The following ABCA13 variants were observed in gnomAD, a reference collection of about 807,000 sequenced individuals.
ABCA13 encodes ATP binding cassette subfamily A member 13.
ABCA13 carries 476 observed loss-of-function variants against 478.7 expected under a neutral mutation model. The observed-to-expected ratio is 0.99, with a 90% CI of 0.92 to 1.07. The LOEUF is 1.07. ABCA13 is among the 50% of genes least tolerant of loss of function. The probability of loss-of-function intolerance (pLI) is 0.00; values close to 1 mark genes in which losing one functional copy is unlikely to be tolerated. For synonymous variants in ABCA13, 2,252 were observed against 2,158.9 expected (o/e 1.04, Z -1.20); for missense variants, 6,060 against 5,910.6 (o/e 1.03, Z -0.83).
chr7:48,338,238 C>A, intron 28 of ABCA13, 127 bp from the exon 29 acceptor site: 2 of 588,200 alleles, frequency 3.4e-6, no homozygotes, highest in Non-Finnish European at 2.7e-6. Flanking sequence ...TTTAAAACTT[C>A]TTTTAAGTGG....
intron 54 of ABCA13, among the ~76,000 whole-genome samples, chr7:48,526,122 T>C (rs966225203): frequency 5.3e-5 from 8 of 152,040 alleles, no homozygotes; most frequent in Non-Finnish European, 8.8e-5. Context: ...CTGAAAAATA[T>C]GTAAAAGGGG....
intron 55 of ABCA13, among the ~76,000 whole-genome samples, chr7:48,565,966 G>A (rs565213839): frequency 6.6e-6 from 1 of 152,236 alleles, no homozygotes; most frequent in East Asian, 1.9e-4. Context: ...TGGTAAACTG[G>A]GGGTTAACCT....
At position 48,171,541 on chromosome 7, in the gene ABCA13, C is replaced by T. The variant is rs934301354; in HGVS notation, c.58C>T (p.Leu20Phe). Residue 20 changes from leucine to phenylalanine, a missense_variant, in exon 1 of 62, where the codon CTC becomes TTC. This residue lies in a region of ABCA13 where 4,423 missense variants were observed against 4,309.1 expected (regional missense o/e 1.03). Transcript: ENST00000435803. The stretch of plus-strand genomic sequence containing the variant: ...GCTGTGGAAGAATTGGCTCTGCAGA[C>T]TCAGGAACCCGGTGAGTGCTTGCCT... Reference protein sequence around the residue: ...ALLWKNWLCRLRNPVLFLAEF... With the variant: ...ALLWKNWLCRFRNPVLFLAEF... 21 of 1,536,300 alleles carry T rather than the reference C, an allele frequency of 1.4e-5. No individual in the cohort carries two copies. Among genetic ancestry groups the T allele is most frequent in the Non-Finnish European group, 1.8e-5 (21 of 1,146,906 alleles).
At chr7:48,442,762 C>T (rs368791094) in intron 42 of ABCA13, among the ~76,000 whole-genome samples, 29 of 152,158 alleles carry the variant, frequency 1.9e-4, no homozygotes, top group Non-Finnish European at 4.0e-4. Flanking sequence ...GCATTTCTAA[C>T]GAGTTCTCAG....
chr7:48,456,269 C>CATA (rs1825662434), intron 43 of ABCA13, among the ~76,000 whole-genome samples: 1 of 152,134 alleles, frequency 6.6e-6, no homozygotes, highest in Non-Finnish European at 1.5e-5. Context: ...TCTCTAAGAG[C>CATA]CTACTAATAT....
chr7:48,185,499 G>A (rs145241260), intron 1 of ABCA13, among the ~76,000 whole-genome samples: 33 of 152,274 alleles, frequency 2.2e-4, no homozygotes, highest in African/African-American at 7.7e-4. Context: ...CATTAGAATT[G>A]CATTGAGCCT....
At chr7:48,205,285 C>T (rs960171950) in intron 3 of ABCA13, among the ~76,000 whole-genome samples, 1 of 152,008 alleles carries the variant, frequency 6.6e-6, no homozygotes. Context: ...CTGGGTTTTA[C>T]GTCTATGTAT....
intron 41 of ABCA13, among the ~76,000 whole-genome samples, chr7:48,416,518 C>T (rs1820012726): frequency 6.6e-6 from 1 of 152,098 alleles, no homozygotes; most frequent in African/African-American, 2.4e-5. Context: ...GGTTGGGAAT[C>T]ATGGAAGGAA....
chr7:48,587,360 G>T (rs906694644), intron 57 of ABCA13, 72 bp downstream of exon 57: 4 of 1,441,662 alleles, frequency 2.8e-6, no homozygotes, highest in Non-Finnish European at 1.8e-6. Flanking sequence ...GATTTTAAGG[G>T]TTTTTCTGGG....
chr7:48,540,691 G>T (rs1033985052), intron 55 of ABCA13, among the ~76,000 whole-genome samples: 1 of 151,922 alleles, frequency 6.6e-6, no homozygotes, highest in Admixed American at 6.6e-5. Context: ...CTAAAACAGG[G>T]CTCTTTTACT....
chr7:48,638,140 A>T (rs1794832767), intron 59 of ABCA13, among the ~76,000 whole-genome samples: 1 of 152,180 alleles, frequency 6.6e-6, no homozygotes, highest in South Asian at 2.1e-4. Flanking sequence ...GTCAGAGAGG[A>T]AGGCACTCGT....
rs767472422 is a variant in ABCA13, at chr7:48,357,192, A to G, written c.10688+4705A>G. On this transcript the variant is annotated intron_variant, in intron 31 of 61. Transcript: ENST00000435803. ...GCTTAAAAAAAAATCAGCTTGATCC[A>G]CAACAGACCAGTGAGAGGACCTCTC... 2.4e-4 allele frequency among the ~76,000 whole-genome samples: 37 copies of G among 151,948 alleles called. 1 individual carries two copies. Among genetic ancestry groups the G allele is most frequent in the African/African-American group, 8.5e-4 (35 of 41,210 alleles).
At chr7:48,286,491 CCTT>C in intron 19 of ABCA13, among the ~76,000 whole-genome samples, 1 of 23,672 alleles carries the variant, frequency 4.2e-5, no homozygotes, top group African/African-American at 3.5e-4. Flanking sequence ...TTTTTCCCTT[CCTT>C]CCTTCCTTCC....
At chr7:48,582,898 AC>A (rs756577557) in intron 56 of ABCA13, among the ~76,000 whole-genome samples, 2 of 152,158 alleles carry the variant, frequency 1.3e-5, no homozygotes, top group Non-Finnish European at 2.9e-5. Flanking sequence ...AATTTAATTA[AC>A]CTTGTAAAGC....
At chr7:48,535,400 C>G (rs886434482) in intron 55 of ABCA13, among the ~76,000 whole-genome samples, 1 of 152,180 alleles carries the variant, frequency 6.6e-6, no homozygotes, top group South Asian at 2.1e-4. Flanking sequence ...AGCACCTGCT[C>G]AGGTGGAGGT....
At chr7:48,412,146 G>T (rs1424483727) in intron 40 of ABCA13, among the ~76,000 whole-genome samples, 1 of 152,056 alleles carries the variant, frequency 6.6e-6, no homozygotes, top group East Asian at 1.9e-4. Flanking sequence ...GCCTCACAAG[G>T]TTTATCACTG....
At chr7:48,564,104 A>G (rs996419780) in intron 55 of ABCA13, among the ~76,000 whole-genome samples, 2 of 152,004 alleles carry the variant, frequency 1.3e-5, no homozygotes, top group Non-Finnish European at 1.5e-5. Context: ...GCATCATGGC[A>G]TGAGACTAGA....
intron 41 of ABCA13, among the ~76,000 whole-genome samples, chr7:48,420,258 A>G (rs1820570033): frequency 6.6e-6 from 1 of 152,186 alleles, no homozygotes; most frequent in African/African-American, 2.4e-5. Flanking sequence ...TTTACCTACA[A>G]GCTAGTGAAA....
At chr7:48,401,744 A>AACACACACACACACACACACACACACAC (rs55694821) in intron 38 of ABCA13, among the ~76,000 whole-genome samples, 141 of 143,980 alleles carry the variant, frequency 9.8e-4, no homozygotes, top group African/African-American at 2.8e-3. Flanking sequence ...AGAATTTTAA[A>AACACACACACACACACACACACACACAC]ACACACACAC....
Sources: allele counts gnomAD v4.1 joint callset (sites outside exome capture counted in the v4.1 genomes callset), GRCh38; gene constraint gnomAD v4.1.1; regional missense constraint gnomAD v4.1.1; transcripts MANE v1.5; gene names NCBI Gene and HGNC (gene_info 2026-07-23, HGNC 2026-07-21).